Variants in ST3GAL3 observed in about 807,000 individuals in gnomAD.
ST3GAL3 encodes the protein CMP-N-acetylneuraminate-beta-1,4-galactoside alpha-2,3-sialyltransferase.
A neutral mutation model predicts 50.1 loss-of-function variants in ST3GAL3; 21 were observed. The ratio of observed to expected loss-of-function variants is 0.42; its 90% confidence interval spans 0.30 to 0.60. The LOEUF (loss-of-function observed/expected upper bound fraction) is 0.60. Ranked by LOEUF, ST3GAL3 falls within the 20% of genes least tolerant of loss-of-function variation. The pLI is 0.19. For missense variants in ST3GAL3, 353 were observed against 489.4 expected (o/e 0.72, Z 2.63); for synonymous variants, 183 against 190.0 (o/e 0.96, Z 0.30).
chr1:43,810,740 T>C (rs1042253853), intron 3 of ST3GAL3, among the ~76,000 whole-genome samples: 2 of 151,976 alleles, frequency 1.3e-5, no homozygotes, highest in African/African-American at 4.8e-5. Flanking sequence ...AGTTTCGCCC[T>C]TGGGAGCAGA....
intron 9 of ST3GAL3, among the ~76,000 whole-genome samples, chr1:43,911,527 C>T (rs527321177): frequency 6.6e-6 from 1 of 150,968 alleles, no homozygotes; most frequent in East Asian, 1.9e-4. Context: ...ATATAGATAT[C>T]TATAGACATA....
intron 5 of ST3GAL3, among the ~76,000 whole-genome samples, chr1:43,875,950 C>CTTATTATTA (rs200892055): frequency 4.1e-5 from 3 of 74,042 alleles, no homozygotes; most frequent in South Asian, 9.4e-4. Context: ...TCTTCTTCTT[C>CTTATTATTA]TTATTATTAT....
At chr1:43,734,523 TG>T (rs1677496457) in intron 1 of ST3GAL3, among the ~76,000 whole-genome samples, 1 of 152,084 alleles carries the variant, frequency 6.6e-6, no homozygotes, top group African/African-American at 2.4e-5. Flanking sequence ...TTGCCTAGGC[TG>T]GCCTCAAACT....
intron 5 of ST3GAL3, among the ~76,000 whole-genome samples, chr1:43,858,858 C>T (rs1238469300): frequency 6.6e-6 from 1 of 152,204 alleles, no homozygotes; most frequent in Non-Finnish European, 1.5e-5. Flanking sequence ...AGCCTTGCCT[C>T]CCCACTGTGG....
chr1:43,765,741 GTC>G (rs1462414498), intron 2 of ST3GAL3, among the ~76,000 whole-genome samples: 2 of 136,822 alleles, frequency 1.5e-5, no homozygotes, highest in African/African-American at 5.5e-5. Context: ...GCATGTGTGT[GTC>G]TGTGTGTGTC....
chr1:43,782,728 T>G (rs997947855), intron 2 of ST3GAL3, among the ~76,000 whole-genome samples: 3 of 148,068 alleles, frequency 2.0e-5, no homozygotes, highest in African/African-American at 7.3e-5. Context: ...AATTTGGACA[T>G]CTAATCCTCA....
chr1:43,735,611 G>A (rs1324320638), intron 1 of ST3GAL3, among the ~76,000 whole-genome samples: 1 of 152,170 alleles, frequency 6.6e-6, no homozygotes, highest in Non-Finnish European at 1.5e-5. Context: ...CCTCCAGAAG[G>A]GAACACAGCC....
At chr1:43,731,177 A>G (rs1469755030) in intron 1 of ST3GAL3, among the ~76,000 whole-genome samples, 1 of 151,856 alleles carries the variant, frequency 6.6e-6, no homozygotes, top group Non-Finnish European at 1.5e-5. Context: ...CTATACCACC[A>G]GTACAGGCAC....
intron 2 of ST3GAL3, among the ~76,000 whole-genome samples, chr1:43,751,391 C>A (rs1275860720): frequency 1.3e-5 from 2 of 151,956 alleles, no homozygotes; most frequent in East Asian, 1.9e-4. Context: ...TAAAGAAATA[C>A]AGAACAAGCA....
intron 9 of ST3GAL3, chr1:43,913,167 T>C (rs2081221105): frequency 6.6e-6 from 1 of 152,208 alleles, no homozygotes; most frequent in African/African-American, 2.4e-5. Context: ...TGTGCAGGTA[T>C]GGATATGTGA....
chr1:43,736,587 A>T, intron 2 of ST3GAL3: 1 of 828,412 alleles, frequency 1.2e-6, no homozygotes, highest in Admixed American at 2.1e-5. Context: ...TGCCATGACA[A>T]ATCTCAGTTC....
chr1:43,761,807 C>T (rs1291134121), intron 2 of ST3GAL3, among the ~76,000 whole-genome samples: 3 of 151,086 alleles, frequency 2.0e-5, no homozygotes, highest in African/African-American at 2.4e-5. Context: ...AAAAATTAGC[C>T]GGGCATGGTG....
intron 2 of ST3GAL3, among the ~76,000 whole-genome samples, chr1:43,759,065 G>GCGCGCGCACACA (rs60386464): frequency 1.3e-5 from 1 of 75,360 alleles, no homozygotes; most frequent in African/African-American, 4.0e-5. Flanking sequence ...AAAAGCGCGC[G>GCGCGCGCACACA]CACACACACA....
At chr1:43,864,808 T>C (rs1184864096) in intron 5 of ST3GAL3, among the ~76,000 whole-genome samples, 1 of 152,052 alleles carries the variant, frequency 6.6e-6, no homozygotes, top group Admixed American at 6.6e-5. Flanking sequence ...GATTCCTAGT[T>C]TCTGTTTCAG....
chr1:43,806,539 T>C (rs2059907552), intron 3 of ST3GAL3, among the ~76,000 whole-genome samples: 1 of 152,090 alleles, frequency 6.6e-6, no homozygotes, highest in African/African-American at 2.4e-5. Flanking sequence ...ATTGCCATCA[T>C]TTAAAAACAA....
At chr1:43,846,026 A>G (rs1381981907) in intron 5 of ST3GAL3, among the ~76,000 whole-genome samples, 2 of 152,296 alleles carry the variant, frequency 1.3e-5, no homozygotes, top group African/African-American at 4.8e-5. Flanking sequence ...ATACTTTTAA[A>G]TTAATTGAAA....
chr1:43,746,610 C>T (rs1683783428), intron 2 of ST3GAL3, among the ~76,000 whole-genome samples: 2 of 150,750 alleles, frequency 1.3e-5, no homozygotes, highest in South Asian at 4.2e-4. Context: ...CTACAGGAGC[C>T]CGCCACCACA....
chr1:43,815,426 TC>T (rs1482012841), intron 4 of ST3GAL3, among the ~76,000 whole-genome samples: 1 of 152,208 alleles, frequency 6.6e-6, no homozygotes, highest in Non-Finnish European at 1.5e-5. Flanking sequence ...AAATTTTCTT[TC>T]CTTGCTAGCC....
intron 9 of ST3GAL3, chr1:43,920,178 A>G: frequency 1.7e-6 from 1 of 595,568 alleles, no homozygotes; most frequent in Admixed American, 2.6e-5. Context: ...CTCCTCTGTT[A>G]CACACTGGAG....
Sources: gnomAD v4.1 joint callset for allele counts (sites outside exome capture counted in the v4.1 genomes callset) on GRCh38, gnomAD v4.1.1 for gene constraint, MANE v1.5 for transcripts, NCBI Gene and HGNC (gene_info 2026-07-23, HGNC 2026-07-21) for gene names.